The following RBM25 variants were observed in gnomAD, a reference collection of about 807,000 sequenced individuals.
The protein encoded by RBM25 is RNA-binding protein 25.
A neutral mutation model predicts 120.7 loss-of-function variants in RBM25; 19 were observed. That is an observed-to-expected ratio of 0.16 (90% CI 0.11 to 0.23). The LOEUF is 0.23. Among genes scored for constraint, RBM25 ranks in the 10% least tolerant of loss-of-function variants. The pLI is 1.00. For missense variants in RBM25, 605 were observed against 1,041.5 expected (o/e 0.58, Z 5.77); for synonymous variants, 390 against 326.7 (o/e 1.19, Z -2.09).
chr14:73,066,402 G>A (rs1895134322), intron 1 of RBM25, among the ~76,000 whole-genome samples: 2 of 152,214 alleles, frequency 1.3e-5, no homozygotes, highest in South Asian at 4.1e-4. Context: ...TTGGGAGGCC[G>A]AGGCCGACGG....
intron 2 of RBM25, 90 bp downstream of exon 2, chr14:73,071,837 G>A: frequency 9.6e-7 from 1 of 1,043,478 alleles, no homozygotes; most frequent in Non-Finnish European, 1.5e-6. Context: ...ATGTGACTGT[G>A]TTAGTGAAGA....
intron 14 of RBM25, among the ~76,000 whole-genome samples, chr14:73,110,317 A>G (rs10132415): frequency 0.015 from 2,277 of 151,534 alleles, 57 homozygotes; most frequent in African/African-American, 0.051. Flanking sequence ...AGTATCTGGG[A>G]CACTTACAGG....
intron 5 of RBM25, among the ~76,000 whole-genome samples, chr14:73,086,045 C>G (rs1464248429): frequency 2.0e-5 from 3 of 151,562 alleles, no homozygotes; most frequent in Non-Finnish European, 2.9e-5. Context: ...ACAATTTGTT[C>G]TAAGGTCATC....
rs1216693842 is a variant in RBM25, at chr14:73,084,047, G to A, written c.382+496G>A. Among the ~76,000 whole-genome samples the A allele has an allele frequency of 2.6e-5, 4 of 151,962 alleles. No individual in the cohort carries two copies. In the East Asian group the frequency reaches 5.8e-4, roughly 22 times the overall value. On this transcript the variant is annotated intron_variant, in intron 5 of 18. Coordinates refer to ENST00000261973, the MANE Select transcript of RBM25 (RefSeq NM_021239.3). ...TGAGTAGCTGGGATTACAGGTGTGC[G>A]CCACCATGCCCGGCTAATTTTTGTA...
At chr14:73,092,993 G>T (rs915667810) in intron 6 of RBM25, among the ~76,000 whole-genome samples, 2 of 152,026 alleles carry the variant, frequency 1.3e-5, no homozygotes, top group African/African-American at 4.8e-5. Context: ...ATTTCTTATT[G>T]ACCTCTAGTA....
At chr14:73,104,910 C>T (rs1566598012) in intron 10 of RBM25, among the ~76,000 whole-genome samples, 1 of 152,024 alleles carries the variant, frequency 6.6e-6, no homozygotes. Context: ...CTTCAGTAGG[C>T]ATTAAAATTA....
chr14:73,074,820 T>A (rs1473048042), intron 2 of RBM25, among the ~76,000 whole-genome samples: 1 of 151,344 alleles, frequency 6.6e-6, no homozygotes, highest in African/African-American at 2.4e-5. Context: ...ATTCTCCTGA[T>A]TCAGTCTCCC....
At chr14:73,118,050 C>T (rs953976954) in intron 18 of RBM25, among the ~76,000 whole-genome samples, 6 of 152,212 alleles carry the variant, frequency 3.9e-5, no homozygotes, top group African/African-American at 1.4e-4. Context: ...ACTTGTTACT[C>T]AGTAGTCATG....
At chr14:73,109,061 G>A (rs1896250520) in intron 13 of RBM25, 1 of 189,922 alleles carries the variant, frequency 5.3e-6, no homozygotes, top group Non-Finnish European at 1.1e-5. Flanking sequence ...CACAAAGTGT[G>A]AGCTCTCTTT....
Position 73,109,329 on chromosome 14 carries a change from T to TTTA in RBM25, c.1542-12_1542-11insTAT, listed in dbSNP as rs1896256250. The stretch of plus-strand genomic sequence containing the variant: ...GAGTATTAAATGAAGCCTTTTATCA[T>TTTA]TCACTTTTACAGAGGAAGTGCTCTT... On this transcript the variant is annotated splice_polypyrimidine_tract_variant and intron_variant, in intron 13 of 18. Transcript: ENST00000261973. The TTTA allele has an allele frequency of 6.2e-7, 1 of 1,608,012 alleles. No homozygotes were observed. The highest frequency in any genetic ancestry group is 8.5e-7 in the Non-Finnish European group (1 of 1,177,538).
At chr14:73,083,576 C>T (rs768343940) in intron 5 of RBM25, 25 bp downstream of exon 5, 1 of 1,534,784 alleles carries the variant, frequency 6.5e-7, no homozygotes, top group East Asian at 2.4e-5. Context: ...TCCTTATTTG[C>T]TGAAATCACT....
At chr14:73,084,051 C>T (rs1363199015) in intron 5 of RBM25, among the ~76,000 whole-genome samples, 1 of 152,036 alleles carries the variant, frequency 6.6e-6, no homozygotes, top group Non-Finnish European at 1.5e-5. Flanking sequence ...GTGTGCGCCA[C>T]CATGCCCGGC....
At chr14:73,117,112 T>A (rs1176160364) in intron 18 of RBM25, among the ~76,000 whole-genome samples, 1 of 151,794 alleles carries the variant, frequency 6.6e-6, no homozygotes, top group Non-Finnish European at 1.5e-5. Context: ...TAAAGTCAAA[T>A]CTGGCTCATA....
In RBM25 at chr14:73,103,289, G is replaced by A. The variant is rs748653156; in HGVS notation, c.965G>A (p.Arg322Lys). ...RERERERERERRERERERERE... is the reference protein window; with the variant it reads ...REREREREREKRERERERERE... ...AGGGAGCGTGAAAGGGAACGAGAAA[G>A]GCGAGAACGGGAACGAGAAAGGGAA... is the stretch of plus-strand genomic sequence containing the variant. The change falls in exon 10 of 19, where the codon AGG becomes AAG. Residue 322 changes from arginine (R) to lysine (K), a missense_variant. Physicochemically the swap from Arg to Lys is conservative, Grantham distance 26. Coordinates refer to ENST00000261973, the MANE Select transcript of RBM25 (RefSeq NM_021239.3). The A allele has an allele frequency of 6.3e-7, 1 of 1,585,428 alleles. No individual in the cohort carries two copies. Among genetic ancestry groups the A allele is most frequent in the South Asian group, 1.1e-5 (1 of 88,406 alleles).
intron 4 of RBM25, among the ~76,000 whole-genome samples, chr14:73,082,170 A>G (rs1303838396): frequency 6.6e-6 from 1 of 152,212 alleles, no homozygotes; most frequent in East Asian, 1.9e-4. Flanking sequence ...TACCTTCCAG[A>G]CTTACATTGA....
chr14:73,103,795 C>T (rs1439640968), intron 10 of RBM25, among the ~76,000 whole-genome samples: 1 of 151,986 alleles, frequency 6.6e-6, no homozygotes, highest in African/African-American at 2.4e-5. Context: ...CTCAAGTGAT[C>T]CGCCTGCCTC....
chr14:73,111,545 G>C lies in RBM25; in HGVS notation c.2035G>C (p.Gly679Arg). Residue 679 changes from glycine (G) to arginine (R), a missense_variant, in exon 16 of 19, where the codon GGT becomes CGT. By Grantham distance (125) the Gly-to-Arg change is moderately radical (BLOSUM62 -2). This residue lies in a region of RBM25 where 465 missense variants were observed against 741.6 expected (regional missense o/e 0.63). Coordinates refer to ENST00000261973, the MANE Select transcript of RBM25 (RefSeq NM_021239.3). ...TACTGTAGGTGCTTCCAATAGTCCT[G>C]GTCAGCCTAATTCTGTGAAGAGAAA... ...SLKLGASNSP[G>R]QPNSVKRKKL... is the part of the protein sequence containing the mutation. The C allele has an allele frequency of 6.2e-7, 1 of 1,607,638 alleles. No homozygotes were observed. The highest frequency in any genetic ancestry group is 8.5e-7 in the Non-Finnish European group (1 of 1,177,866).
At chr14:73,090,702 A>T (rs1895794642) in intron 6 of RBM25, among the ~76,000 whole-genome samples, 1 of 152,074 alleles carries the variant, frequency 6.6e-6, no homozygotes, top group African/African-American at 2.4e-5. Flanking sequence ...TCATTCCCAT[A>T]TTCTCTTTCA....
intron 14 of RBM25, among the ~76,000 whole-genome samples, chr14:73,109,787 T>C (rs1021980867): frequency 2.6e-5 from 4 of 152,190 alleles, no homozygotes; most frequent in African/African-American, 7.2e-5. Flanking sequence ...AGCCCCTGAC[T>C]CCTGGGTTCA....
Sources: gnomAD v4.1 joint callset for allele counts (sites outside exome capture counted in the v4.1 genomes callset) on GRCh38, gnomAD v4.1.1 for gene constraint, gnomAD v4.1.1 regional missense constraint, MANE v1.5 for transcripts, NCBI Gene and HGNC (gene_info 2026-07-23, HGNC 2026-07-21) for gene names.